The following MINK1 variants were observed in gnomAD, a reference collection of about 807,000 sequenced individuals.
The protein encoded by MINK1 is misshapen-like kinase 1.
Under a neutral mutation model 178.4 loss-of-function variants are expected in MINK1, and 46 were observed. That is an observed-to-expected ratio of 0.26 (90% CI 0.20 to 0.33). The LOEUF is 0.33. MINK1 is among the 10% of genes least tolerant of loss of function. The pLI, the probability that MINK1 is intolerant of heterozygous loss-of-function variation, is 1.00. For missense variants in MINK1, 1,366 were observed against 1,814.9 expected (o/e 0.75, Z 4.49); for synonymous variants, 797 against 709.7 (o/e 1.12, Z -1.96).
chr17:4,834,201 G>C (rs1461863021), intron 1 of MINK1, among the ~76,000 whole-genome samples: 1 of 152,100 alleles, frequency 6.6e-6, no homozygotes, highest in African/African-American at 2.4e-5. Context: ...CCCATGTTCA[G>C]TTTTCCCTAT....
intron 4 of MINK1, chr17:4,883,253 G>A (rs1156940236): frequency 1.3e-5 from 2 of 149,044 alleles, no homozygotes; most frequent in Non-Finnish European, 3.0e-5. Flanking sequence ...CACTCAGGCT[G>A]GAGTGCAGCG....
chr17:4,876,850 G>A (rs1967226568), intron 1 of MINK1, among the ~76,000 whole-genome samples: 1 of 152,116 alleles, frequency 6.6e-6, no homozygotes, highest in Non-Finnish European at 1.5e-5. Context: ...TACTTTGGGA[G>A]GCCAAGGCAG....
In MINK1 at chr17:4,897,366, C is replaced by T; in HGVS notation, c.*79C>T. 7.4e-7 allele frequency: 1 copy of T among 1,357,706 alleles called. No individual in the cohort carries two copies. The highest frequency in any genetic ancestry group is 1.2e-5 in the South Asian group (1 of 82,928). 84.1% of individuals were successfully genotyped at this position (1,357,706 alleles called of 1,614,324 possible). A position where few individuals can be genotyped will look rare whatever the true frequency, so the allele number is the denominator to read the frequency against. On this transcript the variant is annotated 3_prime_UTR_variant, in exon 32 of 32. Transcript: ENST00000355280. ...CAGGCTTCCCGGGCCGCCCCTCTTT[C>T]CCCTCCCTGGGCTTTTGCTTTTACT... is the stretch of plus-strand genomic sequence containing the variant.
chr17:4,842,097 G>A (rs1163036622), intron 1 of MINK1, among the ~76,000 whole-genome samples: 2 of 151,968 alleles, frequency 1.3e-5, no homozygotes, highest in African/African-American at 2.4e-5. Flanking sequence ...GGTGGTGGGC[G>A]CCTGTAGTCC....
At chr17:4,874,485 A>C (rs1285930772) in intron 1 of MINK1, among the ~76,000 whole-genome samples, 1 of 152,210 alleles carries the variant, frequency 6.6e-6, no homozygotes, top group Non-Finnish European at 1.5e-5. Flanking sequence ...GAAGAGTTAA[A>C]TCAGTGGCAG....
chr17:4,896,822 C>T lies in MINK1; in HGVS notation c.3915+9C>T, dbSNP rs754337649. 2.6e-6 allele frequency: 4 copies of T among 1,547,596 alleles called. No individual in the cohort carries two copies. The highest frequency in any genetic ancestry group is 1.4e-5 in the African/African-American group (1 of 73,026). On this transcript the variant is annotated intron_variant, in intron 31 of 31. Coordinates refer to ENST00000355280, the MANE Select transcript of MINK1 (RefSeq NM_153827.5). This position sits in a 1 kb window ranked among gnomAD's most constrained non-coding sequence, Gnocchi z 4.6. Reference sequence around the variant, plus strand: ...GTGAGCGGAATGACAAGGTGGGAGGCTCCTTCCCTCTGAAAGCCCTGCTGT... The same window carrying T: ...GTGAGCGGAATGACAAGGTGGGAGGTTCCTTCCCTCTGAAAGCCCTGCTGT...
intron 12 of MINK1, among the ~76,000 whole-genome samples, chr17:4,888,184 C>T (rs1968395896): frequency 6.6e-6 from 1 of 151,696 alleles, no homozygotes; most frequent in African/African-American, 2.4e-5. Context: ...CCACTGCACT[C>T]CAGCCTGGGT....
In MINK1 at chr17:4,897,328, C is replaced by CT. The variant is rs747408524; in HGVS notation, c.*42dup. ...GGGCTGTCCCACACTGGACCCAGCTCTCCCCCTGCAGCCAGGCTTCCCGGG... is the reference window on the plus strand; with the variant it reads ...GGGCTGTCCCACACTGGACCCAGCTCTTCCCCCTGCAGCCAGGCTTCCCGGG... On this transcript the variant is annotated 3_prime_UTR_variant, in exon 32 of 32. Coordinates refer to ENST00000355280, the MANE Select transcript of MINK1 (RefSeq NM_153827.5). 8 of 1,587,862 alleles carry CT rather than the reference C, an allele frequency of 5.0e-6. No individual in the cohort carries two copies. Among genetic ancestry groups the CT allele is most frequent in the South Asian group, 4.4e-5 (4 of 89,944 alleles).
chr17:4,833,374 T>G lies in MINK1; in HGVS notation c.-210T>G. ...TCGCTCCGCGCCTGCGCAGGAGAGG[T>G]GGTAGGCTCGGGTGGCTGGCTCCGG... On this transcript the variant is annotated 5_prime_UTR_variant, in exon 1 of 32. Transcript: ENST00000355280. The surrounding 1 kb of genome is among the most constrained non-coding windows in gnomAD (Gnocchi z 4.8). The G allele has an allele frequency of 8.9e-6, 4 of 449,766 alleles. No individual in the cohort carries two copies. The highest frequency in any genetic ancestry group is 4.4e-5 in the East Asian group (1 of 22,514). The allele number at this position is 449,766 out of a possible 1,614,324, so 27.9% of individuals were successfully genotyped here.
At chr17:4,845,282 G>C (rs1262040828) in intron 1 of MINK1, among the ~76,000 whole-genome samples, 1 of 152,138 alleles carries the variant, frequency 6.6e-6, no homozygotes, top group East Asian at 1.9e-4. Context: ...AGCAAGAGAA[G>C]TTAAGGGTTT....
chr17:4,870,146 T>C (rs961381020), intron 1 of MINK1, among the ~76,000 whole-genome samples: 3 of 151,252 alleles, frequency 2.0e-5, no homozygotes, highest in Non-Finnish European at 2.9e-5. Context: ...TCTCCTGACC[T>C]CATGATCCAC....
intron 1 of MINK1, chr17:4,860,729 G>A (rs1453621604): frequency 5.8e-6 from 3 of 520,052 alleles, no homozygotes; most frequent in Admixed American, 1.9e-5. Context: ...GCTGGTGTGT[G>A]CCTGGTTCTC....
rs770926744 is a variant in MINK1, at chr17:4,895,996, C to T, written c.3365-7C>T. The T allele has an allele frequency of 1.1e-5, 18 of 1,588,210 alleles. 1 individual carries two copies. The South Asian group carries it at 1.3e-4, about 11-fold the overall frequency. On this transcript the variant is annotated splice_region_variant and splice_polypyrimidine_tract_variant and intron_variant, in intron 27 of 31. Transcript: ENST00000355280. This position sits in a 1 kb window ranked among gnomAD's most constrained non-coding sequence, Gnocchi z 4.3. ...GTCTCAGCATCCCTCTTCTCTCCCG[C>T]CCCCAGTGAAATACGAGCGGATTAA... is the stretch of plus-strand genomic sequence containing the variant.
rs1237352051 is a variant in MINK1 at position 4,894,170 on chromosome 17, G to A, written c.2671-4G>A. On this transcript the variant is annotated splice_polypyrimidine_tract_variant and splice_region_variant and intron_variant, in intron 22 of 31. Coordinates refer to ENST00000355280, the MANE Select transcript of MINK1 (RefSeq NM_153827.5). The surrounding 1 kb of genome is among the most constrained non-coding windows in gnomAD (Gnocchi z 4.1). ...CCACGCCAACCCTGCCCTCTGTCCT[G>A]TAGACCCCTGAAGAGGAGCGGAACC... is the stretch of plus-strand genomic sequence containing the variant. 8 of 1,613,598 alleles carry A rather than the reference G, an allele frequency of 5.0e-6. No homozygotes were observed. The African/African-American group carries it at 5.3e-5, about 11-fold the overall frequency.
rs1193860203 is a variant in MINK1 at position 4,895,581 on chromosome 17, G to A, written c.3229+88G>A. 7 of 1,547,040 alleles carry A rather than the reference G, an allele frequency of 4.5e-6. No individual in the cohort carries two copies. In the African/African-American group the frequency reaches 8.1e-5, roughly 18 times the overall value. On this transcript the variant is annotated intron_variant, in intron 26 of 31. Coordinates refer to ENST00000355280, the MANE Select transcript of MINK1 (RefSeq NM_153827.5). This position sits in a 1 kb window ranked among gnomAD's most constrained non-coding sequence, Gnocchi z 4.3. ...CTGCCTGGGAGGAGGGCAGGCACTG[G>A]AAGGTGGGGCCACACTTTCTCACCC...
chr17:4,892,374 C>T (rs1968928869), intron 17 of MINK1, 28 bp from the exon 18 acceptor site: 1 of 1,522,550 alleles, frequency 6.6e-7, no homozygotes, highest in Non-Finnish European at 8.9e-7. Flanking sequence ...CCCGCCGCCC[C>T]CTCGGCACCC....
At chr17:4,839,487 C>CA (rs1478927147) in intron 1 of MINK1, among the ~76,000 whole-genome samples, 1 of 152,190 alleles carries the variant, frequency 6.6e-6, no homozygotes, top group Non-Finnish European at 1.5e-5. Context: ...AGTCAACTCT[C>CA]AAAGCATTTC....
intron 1 of MINK1, among the ~76,000 whole-genome samples, chr17:4,855,588 G>C (rs559675995): frequency 6.6e-6 from 1 of 150,630 alleles, no homozygotes; most frequent in Non-Finnish European, 1.5e-5. Context: ...TGAGACAGCA[G>C]TGAAACCCCA....
intron 1 of MINK1, chr17:4,859,387 CT>C: frequency 1.2e-6 from 1 of 846,854 alleles, no homozygotes; most frequent in Non-Finnish European, 1.4e-6. Flanking sequence ...CAATCTTACT[CT>C]TTATATTTTA....
Sources: allele counts gnomAD v4.1 joint callset (sites outside exome capture counted in the v4.1 genomes callset), GRCh38; gene constraint gnomAD v4.1.1; non-coding constraint Gnocchi (gnomAD v3.1); transcripts MANE v1.5; gene names NCBI Gene and HGNC (gene_info 2026-07-23, HGNC 2026-07-21).